ESR1: variants seen among roughly 807,000 people sequenced by gnomAD.
The protein encoded by ESR1 is estrogen receptor 1, also known as estrogen receptor.
Under a neutral mutation model 52.7 loss-of-function variants are expected in ESR1, and 12 were observed. The ratio of observed to expected loss-of-function variants is 0.23; its 90% CI spans 0.15 to 0.37. The LOEUF is 0.37. ESR1 is among the 10% of genes least tolerant of loss of function. The pLI is 1.00. For synonymous variants in ESR1, 305 were observed against 316.8 expected (o/e 0.96, Z 0.39); for missense variants, 584 against 779.7 (o/e 0.75, Z 2.99).
chr6:152,085,403 GA>G (rs3842100), intron 6 of ESR1, among the ~76,000 whole-genome samples: 17,356 of 151,658 alleles, frequency 0.11, 1,239 homozygotes, highest in East Asian at 0.33. Flanking sequence ...TTAACAGCTA[GA>G]AAAAAAAAGT....
chr6:152,008,018 C>A (rs2042466488), intron 4 of ESR1, among the ~76,000 whole-genome samples: 1 of 152,048 alleles, frequency 6.6e-6, no homozygotes, highest in Non-Finnish European at 1.5e-5. Context: ...CCATAGTTGG[C>A]CCAATATAAT....
chr6:151,926,863 T>C (rs1373209290), intron 3 of ESR1, among the ~76,000 whole-genome samples: 1 of 152,152 alleles, frequency 6.6e-6, no homozygotes, highest in Non-Finnish European at 1.5e-5. Flanking sequence ...CTTATTGCAC[T>C]TGCTGGTATT....
intron 2 of ESR1, among the ~76,000 whole-genome samples, chr6:151,708,436 C>T (rs1780339678): frequency 6.6e-6 from 1 of 151,804 alleles, no homozygotes; most frequent in Non-Finnish European, 1.5e-5. Context: ...GGTGTAAGTC[C>T]CAGGAGTAGA....
At chr6:151,800,685 G>A (rs1369063143), upstream of ESR1, among the ~76,000 whole-genome samples, 1 of 152,152 alleles carries the variant, frequency 6.6e-6, no homozygotes, top group Admixed American at 6.5e-5. Flanking sequence ...TTTTGTTACA[G>A]TAGCCTGAGC....
chr6:151,712,976 G>C (rs1780738302), intron 2 of ESR1, among the ~76,000 whole-genome samples: 1 of 152,146 alleles, frequency 6.6e-6, no homozygotes, highest in Non-Finnish European at 1.5e-5. Flanking sequence ...CTGTGGGCTT[G>C]TCATGAATAT....
At chr6:151,864,184 T>C (rs987071462) in intron 2 of ESR1, among the ~76,000 whole-genome samples, 3 of 152,016 alleles carry the variant, frequency 2.0e-5, no homozygotes, top group East Asian at 3.9e-4. Context: ...ATTTTTGCAA[T>C]CTACTCATCT....
At chr6:151,669,200 G>T (rs1777959549) in intron 1 of ESR1, among the ~76,000 whole-genome samples, 1 of 98,580 alleles carries the variant, frequency 1.0e-5, no homozygotes, top group Non-Finnish European at 2.3e-5. Flanking sequence ...TGGGAATCCA[G>T]GGGAGAACAG....
At chr6:151,670,693 C>T (rs535566195) in intron 1 of ESR1, among the ~76,000 whole-genome samples, 44 of 151,590 alleles carry the variant, frequency 2.9e-4, no homozygotes, top group African/African-American at 1.0e-3. Flanking sequence ...AAGTGATTCT[C>T]ATGGCTCAGT....
intron 3 of ESR1, among the ~76,000 whole-genome samples, chr6:151,942,502 G>A (rs1269743167): frequency 6.6e-6 from 1 of 151,858 alleles, no homozygotes; most frequent in African/African-American, 2.4e-5. Context: ...TATAGTAAGT[G>A]CTGAATGCAT....
At chr6:152,063,834 C>T (rs111644660) in intron 6 of ESR1, among the ~76,000 whole-genome samples, 1 of 152,116 alleles carries the variant, frequency 6.6e-6, no homozygotes, top group Non-Finnish European at 1.5e-5. Flanking sequence ...TATGGAGGAA[C>T]CCAAGGTTTT....
Position 151,842,792 on chromosome 6 carries a change from T to C in ESR1, c.643+5T>C, listed in dbSNP as rs969753075. 2 of 1,613,284 alleles carry C rather than the reference T, an allele frequency of 1.2e-6. No homozygotes were observed. Among genetic ancestry groups the C allele is most frequent in the African/African-American group, 2.7e-5 (2 of 74,898 alleles). ...TCTTCAAGAGAAGTATTCAAGGTAATAGTGTGTTGAAAACGACTTCTATTT... is the reference window on the plus strand; with the variant it reads ...TCTTCAAGAGAAGTATTCAAGGTAACAGTGTGTTGAAAACGACTTCTATTT... On this transcript the variant is annotated splice_donor_5th_base_variant and intron_variant, in intron 2 of 7. Coordinates refer to ENST00000206249, the MANE Select transcript of ESR1 (RefSeq NM_000125.4).
intron 5 of ESR1, among the ~76,000 whole-genome samples, chr6:152,031,868 G>A (rs2044743023): frequency 1.3e-5 from 2 of 152,188 alleles, no homozygotes; most frequent in African/African-American, 4.8e-5. Context: ...TATCCCTGAT[G>A]AACATCGATG....
intron 2 of ESR1, among the ~76,000 whole-genome samples, chr6:151,878,859 T>A (rs1002571850): frequency 6.6e-6 from 1 of 152,200 alleles, no homozygotes; most frequent in African/African-American, 2.4e-5. Context: ...CTGCTCCCTA[T>A]AAACCAGATT....
At chr6:151,928,466 T>C (rs575415964) in intron 3 of ESR1, among the ~76,000 whole-genome samples, 19 of 152,282 alleles carry the variant, frequency 1.2e-4, no homozygotes, top group African/African-American at 4.1e-4. Context: ...AAGATCTAAA[T>C]TGAAAATTCA....
At chr6:151,982,237 C>T (rs2040058881) in intron 4 of ESR1, among the ~76,000 whole-genome samples, 1 of 152,234 alleles carries the variant, frequency 6.6e-6, no homozygotes, top group South Asian at 2.1e-4. Context: ...GAAGCCCTGG[C>T]CACCTGGCTC....
At chr6:152,047,816 G>A (rs1348985075) in intron 5 of ESR1, among the ~76,000 whole-genome samples, 1 of 152,042 alleles carries the variant, frequency 6.6e-6, no homozygotes, top group Non-Finnish European at 1.5e-5. Context: ...ATGTCGCTTG[G>A]CCGGGGGAAT....
chr6:151,932,951 C>G (rs2033868698), intron 3 of ESR1, among the ~76,000 whole-genome samples: 1 of 151,126 alleles, frequency 6.6e-6, no homozygotes. Flanking sequence ...TTTTTTGGTT[C>G]CATATGAACT....
chr6:151,879,613 C>T (rs900877183), intron 2 of ESR1, among the ~76,000 whole-genome samples: 5 of 152,156 alleles, frequency 3.3e-5, no homozygotes, highest in African/African-American at 4.8e-5. Flanking sequence ...CATAAAATAA[C>T]GGTAACAACA....
chr6:152,065,982 T>G (rs545071157), intron 6 of ESR1, among the ~76,000 whole-genome samples: 4 of 152,332 alleles, frequency 2.6e-5, no homozygotes, highest in Middle Eastern at 3.4e-3. Context: ...TGGCAACATC[T>G]CTAAAATGTG....
Sources: allele counts gnomAD v4.1 joint callset (sites outside exome capture counted in the v4.1 genomes callset), GRCh38; gene constraint gnomAD v4.1.1; transcripts MANE v1.5; gene names NCBI Gene and HGNC (gene_info 2026-07-23, HGNC 2026-07-21).